Variants in ST6GALNAC3 observed in about 807,000 individuals in gnomAD.
ST6GALNAC3 encodes the protein ST6 N-acetylgalactosaminide alpha-2,6-sialyltransferase 3.
ST6GALNAC3 carries 25 observed loss-of-function variants against 32.7 expected under a neutral mutation model. The ratio of observed to expected loss-of-function variants is 0.76; its 90% CI spans 0.56 to 1.07. ST6GALNAC3 has a LOEUF of 1.07. Ranked by LOEUF, ST6GALNAC3 falls within the 50% of genes least tolerant of loss-of-function variation. The pLI is 0.00. For synonymous variants in ST6GALNAC3, 129 were observed against 133.1 expected, an observed-to-expected ratio of 0.97 and a Z score of 0.21; for missense variants, 355 against 382.4, an observed-to-expected ratio of 0.93 and a Z score of 0.60.
intron 1 of ST6GALNAC3, among the ~76,000 whole-genome samples, chr1:76,113,945 C>T (rs1400642694): frequency 6.6e-6 from 1 of 151,790 alleles, no homozygotes; most frequent in Non-Finnish European, 1.5e-5. Flanking sequence ...CTGCCTCAAC[C>T]TCCTGAGTAG....
intron 1 of ST6GALNAC3, among the ~76,000 whole-genome samples, chr1:76,298,508 A>G (rs1660541499): frequency 6.6e-6 from 1 of 152,058 alleles, no homozygotes; most frequent in South Asian, 2.1e-4. Context: ...CAAGGCTCAG[A>G]GTAACTAAAC....
intron 1 of ST6GALNAC3, among the ~76,000 whole-genome samples, chr1:76,152,630 A>G (rs539004489): frequency 1.3e-5 from 2 of 152,230 alleles, no homozygotes; most frequent in African/African-American, 2.4e-5. Context: ...GATGTTGACC[A>G]TGGCCTCCTG....
chr1:76,462,812 T>C (rs1400510926), intron 3 of ST6GALNAC3, among the ~76,000 whole-genome samples: 3 of 152,222 alleles, frequency 2.0e-5, no homozygotes, highest in African/African-American at 7.2e-5. Flanking sequence ...GAAGGCCAAA[T>C]GCTGCAGGGA....
chr1:76,614,561 T>C (rs546044375), intron 3 of ST6GALNAC3, among the ~76,000 whole-genome samples: 3 of 151,452 alleles, frequency 2.0e-5, no homozygotes, highest in South Asian at 4.2e-4. Flanking sequence ...CTACTAACAA[T>C]ACAAAAAATT....
chr1:76,595,402 T>G (rs1400589753), intron 3 of ST6GALNAC3, among the ~76,000 whole-genome samples: 2 of 152,060 alleles, frequency 1.3e-5, no homozygotes, highest in Non-Finnish European at 2.9e-5. Context: ...CAGCTTATTC[T>G]CCCCCAAAGC....
chr1:76,477,153 A>C (rs1046467372), intron 3 of ST6GALNAC3, among the ~76,000 whole-genome samples: 5 of 152,196 alleles, frequency 3.3e-5, no homozygotes, highest in Non-Finnish European at 7.3e-5. Context: ...ACAATTTTAA[A>C]ACATATAAAG....
chr1:76,445,154 T>C (rs1571249425), intron 3 of ST6GALNAC3, among the ~76,000 whole-genome samples: 1 of 152,202 alleles, frequency 6.6e-6, no homozygotes, highest in African/African-American at 2.4e-5. Context: ...CCACTTACGA[T>C]GCAACTTGGG....
intron 2 of ST6GALNAC3, among the ~76,000 whole-genome samples, chr1:76,390,229 G>C (rs1201691515): frequency 1.3e-5 from 2 of 151,978 alleles, no homozygotes. Flanking sequence ...CATGAATTTT[G>C]GCTAAGTTGC....
At chr1:76,610,867 A>G (rs762039185) in intron 3 of ST6GALNAC3, among the ~76,000 whole-genome samples, 2 of 152,178 alleles carry the variant, frequency 1.3e-5, no homozygotes, top group African/African-American at 2.4e-5. Context: ...ATTACTCCAC[A>G]TTAAAAAGCG....
chr1:76,593,563 G>A (rs1206721297), intron 3 of ST6GALNAC3, among the ~76,000 whole-genome samples: 1 of 152,150 alleles, frequency 6.6e-6, no homozygotes, highest in Non-Finnish European at 1.5e-5. Flanking sequence ...GTTTTATCAA[G>A]CATCTTTCTA....
chr1:76,149,334 C>G (rs768451095), intron 1 of ST6GALNAC3, among the ~76,000 whole-genome samples: 1 of 152,120 alleles, frequency 6.6e-6, no homozygotes, highest in African/African-American at 2.4e-5. Flanking sequence ...AGAGAAGGCT[C>G]AAACATGAGG....
chr1:76,608,545 C>A (rs1454094452), intron 3 of ST6GALNAC3, among the ~76,000 whole-genome samples: 3 of 151,412 alleles, frequency 2.0e-5, no homozygotes, highest in African/African-American at 7.3e-5. Context: ...CAAGAGAGAA[C>A]CCTCTCAGAA....
chr1:76,373,231 C>T (rs1005563679), intron 2 of ST6GALNAC3, among the ~76,000 whole-genome samples: 1 of 152,126 alleles, frequency 6.6e-6, no homozygotes, highest in African/African-American at 2.4e-5. Context: ...CCAGCAAACT[C>T]GGGTTCAAAT....
At chr1:76,511,741 G>A (rs1397428330) in intron 3 of ST6GALNAC3, among the ~76,000 whole-genome samples, 2 of 152,094 alleles carry the variant, frequency 1.3e-5, no homozygotes, top group African/African-American at 4.8e-5. Context: ...GGTGATTTGA[G>A]GACACTTAAA....
intron 2 of ST6GALNAC3, among the ~76,000 whole-genome samples, chr1:76,368,655 T>C (rs1190621885): frequency 6.6e-6 from 1 of 152,218 alleles, no homozygotes; most frequent in Non-Finnish European, 1.5e-5. Flanking sequence ...AAATACATAT[T>C]TGTTTAATGC....
rs74650407 is a variant in ST6GALNAC3, at chr1:76,440,223, C to A, written c.623+27806C>A. Among the ~76,000 whole-genome samples the A allele has an allele frequency of 6.2e-4, 95 of 152,288 alleles. 1 individual carries two copies. In the East Asian group the frequency reaches 9.9e-3, roughly 16 times the overall value. On this transcript the variant is annotated intron_variant, in intron 3 of 4. Transcript: ENST00000328299. Reference sequence around the variant, plus strand: ...AGGAGTTCAGTGTTGCTAAAAATTTCTTTAATGGAAAAGAGTGGAGAGATG... The same window carrying A: ...AGGAGTTCAGTGTTGCTAAAAATTTATTTAATGGAAAAGAGTGGAGAGATG...
chr1:76,574,457 G>A (rs1646768476), intron 3 of ST6GALNAC3, among the ~76,000 whole-genome samples: 1 of 151,980 alleles, frequency 6.6e-6, no homozygotes, highest in Non-Finnish European at 1.5e-5. Context: ...TCCCATGGCT[G>A]AATCCTCTCC....
chr1:76,174,066 G>A (rs1570309435), intron 1 of ST6GALNAC3, among the ~76,000 whole-genome samples: 1 of 152,092 alleles, frequency 6.6e-6, no homozygotes, highest in Non-Finnish European at 1.5e-5. Flanking sequence ...ATTTACGATA[G>A]CAAAGACATG....
At chr1:76,410,182 T>A (rs1460037778) in intron 2 of ST6GALNAC3, among the ~76,000 whole-genome samples, 3 of 152,130 alleles carry the variant, frequency 2.0e-5, no homozygotes, top group African/African-American at 7.2e-5. Flanking sequence ...AGACCCCAAG[T>A]GATTTCTCCC....
Sources: gnomAD v4.1 joint callset for allele counts (sites outside exome capture counted in the v4.1 genomes callset) on GRCh38, gnomAD v4.1.1 for gene constraint, MANE v1.5 for transcripts, NCBI Gene and HGNC (gene_info 2026-07-23, HGNC 2026-07-21) for gene names.